Variants in CLCN3 observed in about 807,000 individuals in gnomAD.
CLCN3 encodes Cl-/H+ antiporter 3.
CLCN3 carries 16 observed loss-of-function variants against 83.4 expected under a neutral mutation model. That is an observed-to-expected ratio of 0.19 (90% CI 0.13 to 0.29). The LOEUF is 0.29. Among genes scored for constraint, CLCN3 ranks in the 10% least tolerant of loss-of-function variants. The pLI is 1.00. For missense variants in CLCN3, 544 were observed against 1,006.0 expected (o/e 0.54, Z 6.21); for synonymous variants, 322 against 346.2 (o/e 0.93, Z 0.78).
chr4:169,649,084 T>C (rs1730660629), intron 2 of CLCN3, among the ~76,000 whole-genome samples: 1 of 150,518 alleles, frequency 6.6e-6, no homozygotes, highest in Non-Finnish European at 1.5e-5. Flanking sequence ...AAATTGAATA[T>C]GTATTATTTA....
Position 169,685,560 on chromosome 4 carries a change from C to T in CLCN3, c.319-2098C>T, listed in dbSNP as rs72694802. Reference sequence around the variant, plus strand: ...TCTTTTTAATTGCTGCAGAATTTCTCATTACATAGGTATACTGCAATTTAT... The same window carrying T: ...TCTTTTTAATTGCTGCAGAATTTCTTATTACATAGGTATACTGCAATTTAT... On this transcript the variant is annotated intron_variant, in intron 3 of 12. Transcript: ENST00000513761. 4.2e-3 allele frequency among the ~76,000 whole-genome samples: 644 copies of T among 152,214 alleles called. 7 individuals are homozygous for T. The highest frequency in any genetic ancestry group is 0.036 in the South Asian group (176 of 4,826).
chr4:169,642,088 T>A (rs1047219665), intron 2 of CLCN3, among the ~76,000 whole-genome samples: 3 of 152,118 alleles, frequency 2.0e-5, no homozygotes, highest in Non-Finnish European at 2.9e-5. Context: ...AAAATTTATT[T>A]TTTTTTTTAA....
intron 2 of CLCN3, among the ~76,000 whole-genome samples, chr4:169,649,986 G>A (rs1188372546): frequency 6.6e-6 from 1 of 152,084 alleles, no homozygotes; most frequent in African/African-American, 2.4e-5. Flanking sequence ...TTGGGAGGCT[G>A]GGACGTGACC....
intron 6 of CLCN3, 39 bp downstream of exon 6, chr4:169,690,691 T>G (rs535866638): frequency 7.6e-6 from 12 of 1,573,790 alleles, no homozygotes; most frequent in Non-Finnish European, 9.5e-6. Context: ...AACATTATTA[T>G]GATGCTTATC....
chr4:169,657,936 T>TGAG (rs1730934663), intron 2 of CLCN3, among the ~76,000 whole-genome samples: 1 of 152,172 alleles, frequency 6.6e-6, no homozygotes, highest in Non-Finnish European at 1.5e-5. Context: ...TTTTGCCACA[T>TGAG]CTTCCAGTCT....
At chr4:169,691,694 A>G (rs544573647) in intron 6 of CLCN3, among the ~76,000 whole-genome samples, 4 of 152,320 alleles carry the variant, frequency 2.6e-5, no homozygotes, top group African/African-American at 9.6e-5. Context: ...ACTATTGCAC[A>G]TAATTACAGT....
chr4:169,697,799 A>G, intron 9 of CLCN3, 65 bp downstream of exon 9: 1 of 1,044,696 alleles, frequency 9.6e-7, no homozygotes, highest in Non-Finnish European at 1.4e-6. Context: ...ATGTGGAATG[A>G]GAGAGGTTGT....
chr4:169,635,920 G>C lies in CLCN3; in HGVS notation c.-9G>C, dbSNP rs761181927. 6.5e-7 allele frequency: 1 copy of C among 1,540,966 alleles called. No homozygotes were observed. The highest frequency in any genetic ancestry group is 1.4e-5 in the African/African-American group (1 of 71,942). ...ACTTTTTCCCCCCCACAGATAATCAGACAGCTAAATGGAGTCTGAGCAGCT... is the reference window on the plus strand; with the variant it reads ...ACTTTTTCCCCCCCACAGATAATCACACAGCTAAATGGAGTCTGAGCAGCT... On this transcript the variant is annotated 5_prime_UTR_variant, in exon 2 of 13. Transcript: ENST00000513761.
At chr4:169,689,661 C>A (rs1732290194) in intron 5 of CLCN3, among the ~76,000 whole-genome samples, 1 of 152,140 alleles carries the variant, frequency 6.6e-6, no homozygotes, top group Non-Finnish European at 1.5e-5. Context: ...GGCATTACGG[C>A]ATTTAAATGA....
intron 2 of CLCN3, among the ~76,000 whole-genome samples, chr4:169,639,103 A>G (rs1359751736): frequency 3.3e-5 from 5 of 152,128 alleles, no homozygotes; most frequent in Non-Finnish European, 7.4e-5. Flanking sequence ...AATGATGGCT[A>G]ACTACAGCCT....
intron 2 of CLCN3, among the ~76,000 whole-genome samples, chr4:169,644,112 A>G (rs1581200164): frequency 6.6e-6 from 1 of 152,160 alleles, no homozygotes; most frequent in East Asian, 1.9e-4. Flanking sequence ...CGTTCTTTCT[A>G]CTTTGTTACA....
At chr4:169,650,465 GTAT>G (rs1367259829) in intron 2 of CLCN3, among the ~76,000 whole-genome samples, 2 of 152,178 alleles carry the variant, frequency 1.3e-5, no homozygotes, top group Non-Finnish European at 2.9e-5. Flanking sequence ...AACATTGGTA[GTAT>G]TCTAATGAGT....
At chr4:169,648,985 C>T (rs911440276) in intron 2 of CLCN3, among the ~76,000 whole-genome samples, 1 of 149,682 alleles carries the variant, frequency 6.7e-6, no homozygotes, top group African/African-American at 2.5e-5. Context: ...TGAGATGGTG[C>T]CACTGTATTC....
intron 1 of CLCN3, among the ~76,000 whole-genome samples, chr4:169,628,661 C>T (rs77924871): frequency 0.058 from 8,874 of 152,158 alleles, 852 homozygotes; most frequent in African/African-American, 0.2. Context: ...ATGCTGGCAA[C>T]GAGGTCAAGA....
At chr4:169,690,767 G>GA (rs927857462) in intron 6 of CLCN3, 115 bp downstream of exon 6, 279 of 968,870 alleles carry the variant, frequency 2.9e-4, no homozygotes, top group Non-Finnish European at 3.3e-4. Flanking sequence ...TTCATAATAT[G>GA]AAAAAAAAAT....
At position 169,690,598 on chromosome 4, in the gene CLCN3, A is replaced by G; in HGVS notation, c.675A>G (p.Ala225=). The change falls in exon 6 of 13, where the codon GCA becomes GCG. Residue 225 remains alanine (A), a synonymous_variant. Coordinates refer to ENST00000513761, the MANE Select transcript of CLCN3 (RefSeq NM_001829.4). ...IFWALSFAFL[A]VSLVKVFAPY... is the part of the protein sequence containing the mutation. ...GGGCCTTGAGTTTTGCCTTTCTTGC[A>G]GTTTCCCTGGTAAAGGTATTTGCTC... The G allele has an allele frequency of 1.2e-6, 2 of 1,613,886 alleles. No individual in the cohort carries two copies. The highest frequency in any genetic ancestry group is 1.1e-5 in the South Asian group (1 of 91,076).
intron 1 of CLCN3, among the ~76,000 whole-genome samples, chr4:169,631,260 T>A (rs1441185534): frequency 6.6e-6 from 1 of 152,122 alleles, no homozygotes; most frequent in African/African-American, 2.4e-5. Flanking sequence ...ATTTGAGAAG[T>A]ATCTGTTCAT....
At chr4:169,670,656 T>C (rs1731423892) in intron 2 of CLCN3, among the ~76,000 whole-genome samples, 1 of 152,206 alleles carries the variant, frequency 6.6e-6, no homozygotes, top group African/African-American at 2.4e-5. Flanking sequence ...GTGAGGAAAG[T>C]CAATGGTAGC....
intron 2 of CLCN3, among the ~76,000 whole-genome samples, chr4:169,668,362 A>C (rs1395671597): frequency 6.6e-6 from 1 of 152,102 alleles, no homozygotes; most frequent in Non-Finnish European, 1.5e-5. Context: ...AGCAGAAATA[A>C]TAGCTTGTGT....
Sources: gnomAD v4.1 joint callset for allele counts (sites outside exome capture counted in the v4.1 genomes callset) on GRCh38, gnomAD v4.1.1 for gene constraint, MANE v1.5 for transcripts, NCBI Gene and HGNC (gene_info 2026-07-23, HGNC 2026-07-21) for gene names.